ATP8A1: variants seen among roughly 807,000 people sequenced by gnomAD.
The protein encoded by ATP8A1 is phospholipid-transporting ATPase IA.
ATP8A1 carries 90 observed loss-of-function variants against 177.7 expected under a neutral mutation model. The observed-to-expected ratio is 0.51, with a 90% CI of 0.43 to 0.60. The LOEUF (loss-of-function observed/expected upper bound fraction) is 0.60, where lower values mean the gene tolerates loss of function less well. ATP8A1 is among the 20% of genes least tolerant of loss of function. The probability of loss-of-function intolerance (pLI) is 0.00; values close to 1 mark genes in which losing one functional copy is unlikely to be tolerated. For missense variants in ATP8A1, 1,072 were observed against 1,392.8 expected (o/e 0.77, Z 3.67); for synonymous variants, 493 against 485.9 (o/e 1.01, Z -0.19).
chr4:42,451,494 A>G (rs1717925611), intron 30 of ATP8A1, among the ~76,000 whole-genome samples: 2 of 152,216 alleles, frequency 1.3e-5, no homozygotes, highest in South Asian at 4.1e-4. Flanking sequence ...GAGAGAATAA[A>G]ATCACTTCCC....
chr4:42,523,482 G>T (rs1726354753), intron 21 of ATP8A1, among the ~76,000 whole-genome samples: 1 of 152,204 alleles, frequency 6.6e-6, no homozygotes, highest in African/African-American at 2.4e-5. Flanking sequence ...AGAAAGGGTG[G>T]TGTATTGCCA....
At chr4:42,575,544 C>G in intron 13 of ATP8A1, 78 bp downstream of exon 13, 2 of 1,123,044 alleles carry the variant, frequency 1.8e-6, no homozygotes, top group Non-Finnish European at 2.7e-6. Context: ...CATTCATCTG[C>G]AGTTATCATA....
intron 33 of ATP8A1, among the ~76,000 whole-genome samples, chr4:42,425,036 C>T (rs1390434391): frequency 3.3e-5 from 5 of 152,092 alleles, no homozygotes; most frequent in African/African-American, 7.2e-5. Flanking sequence ...CCAACAATAA[C>T]TGTGTAATAG....
chr4:42,444,450 T>C (rs151013785), intron 32 of ATP8A1, 128 bp downstream of exon 32: 242 of 862,172 alleles, frequency 2.8e-4, no homozygotes, highest in Non-Finnish European at 3.6e-4. Flanking sequence ...CACCCCACAA[T>C]TGAAAACCTG....
At chr4:42,529,472 C>A (rs994751851) in intron 20 of ATP8A1, among the ~76,000 whole-genome samples, 1 of 152,154 alleles carries the variant, frequency 6.6e-6, no homozygotes, top group African/African-American at 2.4e-5. Context: ...GGGTCATGCA[C>A]CAGCAGCACT....
At chr4:42,488,150 A>G (rs1722384278) in intron 24 of ATP8A1, among the ~76,000 whole-genome samples, 1 of 152,228 alleles carries the variant, frequency 6.6e-6, no homozygotes, top group South Asian at 2.1e-4. Flanking sequence ...ATGAACAAAT[A>G]AGTCAATGAA....
At chr4:42,446,269 T>C (rs377372995) in intron 31 of ATP8A1, among the ~76,000 whole-genome samples, 14 of 152,032 alleles carry the variant, frequency 9.2e-5, no homozygotes, top group East Asian at 5.8e-4. Flanking sequence ...CCTGCAAACA[T>C]ACTTTTGCTT....
At chr4:42,418,516 T>G (rs1713505166) in intron 35 of ATP8A1, among the ~76,000 whole-genome samples, 1 of 152,214 alleles carries the variant, frequency 6.6e-6, no homozygotes, top group Non-Finnish European at 1.5e-5. Context: ...TTTACTTTTT[T>G]TAAAGTACAA....
chr4:42,500,038 G>A (rs1349134344), intron 24 of ATP8A1, among the ~76,000 whole-genome samples: 1 of 152,194 alleles, frequency 6.6e-6, no homozygotes, highest in African/African-American at 2.4e-5. Context: ...TTTCAAATCA[G>A]TATTTTGAAA....
chr4:42,636,148 A>ACGCGCGTG (rs767029159), intron 1 of ATP8A1, among the ~76,000 whole-genome samples: 1,383 of 31,862 alleles, frequency 0.043, 16 homozygotes, highest in Middle Eastern at 0.1. Context: ...ACACACACAC[A>ACGCGCGTG]CACACACACG....
intron 27 of ATP8A1, among the ~76,000 whole-genome samples, chr4:42,457,973 A>G (rs1038751362): frequency 1.3e-5 from 2 of 152,192 alleles, no homozygotes; most frequent in African/African-American, 4.8e-5. Context: ...TGGATTTTTA[A>G]GGGTTAACAT....
At chr4:42,615,909 A>C (rs41265707) in intron 5 of ATP8A1, 124 bp downstream of exon 5, 19,278 of 831,246 alleles carry the variant, frequency 0.023, 299 homozygotes, top group Non-Finnish European at 0.031. Flanking sequence ...GCAAAAATCA[A>C]TCTACCCCAA....
chr4:42,504,697 G>A (rs1434040159), intron 23 of ATP8A1, among the ~76,000 whole-genome samples: 1 of 152,178 alleles, frequency 6.6e-6, no homozygotes, highest in Admixed American at 6.5e-5. Flanking sequence ...TTCCCTCTGA[G>A]TCCATTTTCA....
chr4:42,639,081 C>T (rs1252569246), intron 1 of ATP8A1, among the ~76,000 whole-genome samples: 1 of 152,076 alleles, frequency 6.6e-6, no homozygotes, highest in Non-Finnish European at 1.5e-5. Context: ...GTGCAGAAGC[C>T]CCAACAGCTG....
At chr4:42,624,112 G>T (rs1235125752) in intron 4 of ATP8A1, among the ~76,000 whole-genome samples, 2 of 151,808 alleles carry the variant, frequency 1.3e-5, no homozygotes, top group East Asian at 3.8e-4. Context: ...AAAGGAAAAA[G>T]AAACTTAGAA....
Position 42,444,565 on chromosome 4 carries a change from G to C in ATP8A1, c.3015+13C>G. The C allele has an allele frequency of 1.2e-6, 2 of 1,611,396 alleles. No homozygotes were observed. Among genetic ancestry groups the C allele is most frequent in the Non-Finnish European group, 1.7e-6 (2 of 1,177,926 alleles). On this transcript the variant is annotated intron_variant, in intron 32 of 36. Transcript: ENST00000381668. ...ATGTGACATTTCTTGGTTGTGGTTA[G>C]ATATTTTCTTACCCATGTCCAATAT...
At chr4:42,560,265 T>C (rs1042102205) in intron 15 of ATP8A1, among the ~76,000 whole-genome samples, 1 of 152,152 alleles carries the variant, frequency 6.6e-6, no homozygotes, top group Non-Finnish European at 1.5e-5. Flanking sequence ...TTGAAATTAG[T>C]CACACAGGCT....
intron 35 of ATP8A1, among the ~76,000 whole-genome samples, chr4:42,420,871 C>T (rs1452808328): frequency 1.3e-5 from 2 of 151,826 alleles, no homozygotes; most frequent in African/African-American, 4.8e-5. Flanking sequence ...AGGATTCACG[C>T]CATTCTCCTG....
chr4:42,444,529 T>A (rs1392123478), intron 32 of ATP8A1, 49 bp downstream of exon 32: 6 of 1,550,994 alleles, frequency 3.9e-6, no homozygotes, highest in Non-Finnish European at 5.3e-6. Context: ...CTGGAGATAA[T>A]GCACAAGTAA....
Sources: allele counts gnomAD v4.1 joint callset (sites outside exome capture counted in the v4.1 genomes callset), GRCh38; gene constraint gnomAD v4.1.1; transcripts MANE v1.5; gene names NCBI Gene and HGNC (gene_info 2026-07-23, HGNC 2026-07-21).